The following LRRTM4 variants were observed in gnomAD, a reference collection of about 807,000 sequenced individuals.
The protein encoded by LRRTM4 is leucine-rich repeat transmembrane neuronal protein 4.
LRRTM4 carries 25 observed loss-of-function variants against 47.6 expected under a neutral mutation model. The ratio of observed to expected loss-of-function variants is 0.53; its 90% CI spans 0.38 to 0.73. The LOEUF (loss-of-function observed/expected upper bound fraction) is 0.73, where lower values mean the gene tolerates loss of function less well. Ranked by LOEUF, LRRTM4 falls within the 30% of genes least tolerant of loss-of-function variation. LRRTM4 has a pLI of 0.00. For synonymous variants in LRRTM4, 311 were observed against 269.5 expected (o/e 1.15, Z -1.51); for missense variants, 638 against 713.4 (o/e 0.89, Z 1.20).
At chr2:77,056,995 T>G (rs184422037) in intron 3 of LRRTM4, among the ~76,000 whole-genome samples, 1 of 152,274 alleles carries the variant, frequency 6.6e-6, no homozygotes, top group Admixed American at 6.5e-5. Context: ...GTAAATAAAG[T>G]TTTATGGTAA....
chr2:77,394,211 A>C (rs1368515964), intron 3 of LRRTM4, among the ~76,000 whole-genome samples: 1 of 151,946 alleles, frequency 6.6e-6, no homozygotes, highest in Non-Finnish European at 1.5e-5. Flanking sequence ...AAAGAAAATA[A>C]ATTTAAAAAT....
rs763066612 is a variant in LRRTM4, at chr2:77,519,842, C to A, written c.27G>T (p.Leu9=). 6 of 1,604,044 alleles carry A rather than the reference C, an allele frequency of 3.7e-6. No individual in the cohort carries two copies. The African/African-American group carries it at 8.1e-5, about 22-fold the overall frequency. The change falls in exon 3 of 4, where the codon CTG becomes CTT. Residue 9 remains leucine (L), a synonymous_variant. Transcript: ENST00000409884. This position sits in a 1 kb window ranked among gnomAD's most constrained non-coding sequence, Gnocchi z 4.6. ...GCACCAGCACCACACTCATGCCTTT[C>A]AGCTGCGTAATTAAATGGAAACCTA... The part of the protein sequence containing the change: MGFHLITQ[L]KGMSVVLVLL...
intron 3 of LRRTM4, among the ~76,000 whole-genome samples, chr2:77,420,086 A>T (rs1674814486): frequency 6.6e-6 from 1 of 152,144 alleles, no homozygotes; most frequent in South Asian, 2.1e-4. Flanking sequence ...CTGTGAAAGG[A>T]TCTGCTTCTT....
chr2:77,315,792 C>T (rs1476983528), intron 3 of LRRTM4, among the ~76,000 whole-genome samples: 1 of 152,168 alleles, frequency 6.6e-6, no homozygotes, highest in Non-Finnish European at 1.5e-5. Context: ...GGAACTAACT[C>T]TTCAAAATGT....
At chr2:77,406,398 T>G (rs1674184130) in intron 3 of LRRTM4, among the ~76,000 whole-genome samples, 1 of 152,088 alleles carries the variant, frequency 6.6e-6, no homozygotes, top group Non-Finnish European at 1.5e-5. Flanking sequence ...CATGGCTTAC[T>G]GCAGCCTCTA....
intron 3 of LRRTM4, among the ~76,000 whole-genome samples, chr2:77,311,722 A>G (rs1015567555): frequency 1.1e-4 from 16 of 152,204 alleles, no homozygotes; most frequent in Admixed American, 3.3e-4. Flanking sequence ...GTGAGCAATA[A>G]TGATGGGAAG....
intron 3 of LRRTM4, among the ~76,000 whole-genome samples, chr2:77,180,446 G>T (rs1357518398): frequency 5.3e-5 from 8 of 152,108 alleles, no homozygotes; most frequent in African/African-American, 1.7e-4. Flanking sequence ...TTAAATACTG[G>T]CTCTGCCACT....
Position 76,796,551 on chromosome 2 carries a change from C to G in LRRTM4, c.1552-47635G>C, listed in dbSNP as rs1392282777. Among the ~76,000 whole-genome samples the G allele has an allele frequency of 4.0e-5, 5 of 124,740 alleles. 1 individual carries two copies. Among genetic ancestry groups the G allele is most frequent in the Non-Finnish European group, 4.9e-5 (3 of 61,142 alleles). The allele number at this position is 124,740 out of a possible 152,430, so 81.8% of individuals were successfully genotyped here. ...GGAGGCACCCCCAAGCACGGGCACA[C>G]TGACACCTCACACGGCAGGGTATTC... On this transcript the variant is annotated intron_variant, in intron 3 of 3. Coordinates refer to ENST00000409884, the MANE Select transcript of LRRTM4 (RefSeq NM_001134745.3).
rs1280559530 is a variant in LRRTM4 at position 76,781,350 on chromosome 2, GC to G, written c.1552-32435del. Among the ~76,000 whole-genome samples, 686 of 152,276 alleles carry G rather than the reference GC, an allele frequency of 4.5e-3. 24 individuals are homozygous for G. Among genetic ancestry groups the G allele is most frequent in the Admixed American group, 0.04 (617 of 15,286 alleles). On this transcript the variant is annotated intron_variant, in intron 3 of 3. Transcript: ENST00000409884. Reference sequence around the variant, plus strand: ...TTCAATGGCGGGCACCCCTCCCCCAGCCTGGCTGCCGCCTTGCAGTTTGATC... The same window carrying G: ...TTCAATGGCGGGCACCCCTCCCCCAGCTGGCTGCCGCCTTGCAGTTTGATC...
chr2:76,804,086 GT>G (rs1258650735), intron 3 of LRRTM4, among the ~76,000 whole-genome samples: 1 of 152,100 alleles, frequency 6.6e-6, no homozygotes, highest in Non-Finnish European at 1.5e-5. Context: ...TCCGAGTGCT[GT>G]TTTTCTTTGC....
intron 2 of LRRTM4, among the ~76,000 whole-genome samples, chr2:77,520,402 G>A (rs1295199164): frequency 3.3e-5 from 5 of 152,006 alleles, no homozygotes; most frequent in African/African-American, 4.8e-5. Context: ...TAATAGGATC[G>A]CAATATGTGA....
chr2:77,326,380 C>T (rs538644608), intron 3 of LRRTM4, among the ~76,000 whole-genome samples: 1 of 152,204 alleles, frequency 6.6e-6, no homozygotes, highest in African/African-American at 2.4e-5. Context: ...TCCCTTATAC[C>T]TCTTCTTAAT....
At chr2:76,868,423 C>A (rs1672526325) in intron 3 of LRRTM4, among the ~76,000 whole-genome samples, 1 of 151,928 alleles carries the variant, frequency 6.6e-6, no homozygotes, top group Non-Finnish European at 1.5e-5. Context: ...AGGAAAAAAT[C>A]TCTCTCATTT....
chr2:77,461,442 G>T (rs1199156214), intron 3 of LRRTM4, among the ~76,000 whole-genome samples: 1 of 152,006 alleles, frequency 6.6e-6, no homozygotes, highest in Non-Finnish European at 1.5e-5. Flanking sequence ...ACATCTTCCT[G>T]CCATGGAAGA....
At chr2:77,400,265 C>A (rs968489685) in intron 3 of LRRTM4, among the ~76,000 whole-genome samples, 25 of 151,634 alleles carry the variant, frequency 1.6e-4, no homozygotes, top group East Asian at 7.8e-4. Context: ...TTGATTTTTG[C>A]TCTATTGCCT....
intron 3 of LRRTM4, among the ~76,000 whole-genome samples, chr2:76,968,573 T>C (rs941109068): frequency 2.6e-5 from 4 of 151,476 alleles, no homozygotes; most frequent in Non-Finnish European, 5.9e-5. Flanking sequence ...TAACTTTTCT[T>C]TAATCCACTG....
intron 3 of LRRTM4, among the ~76,000 whole-genome samples, chr2:76,935,164 A>T (rs1034719554): frequency 6.6e-6 from 1 of 152,180 alleles, no homozygotes; most frequent in East Asian, 1.9e-4. Context: ...AGTGTAAGTA[A>T]TGGGACACAG....
At chr2:77,441,272 T>G (rs1171312067) in intron 3 of LRRTM4, among the ~76,000 whole-genome samples, 1 of 152,216 alleles carries the variant, frequency 6.6e-6, no homozygotes, top group African/African-American at 2.4e-5. Flanking sequence ...TGTTTTTAAT[T>G]ATGCAGACCC....
In LRRTM4 at chr2:77,212,495, C is replaced by A. The variant is rs11884088; in HGVS notation, c.1551+305823G>T. Among the ~76,000 whole-genome samples, 371 of 135,950 alleles carry A rather than the reference C, an allele frequency of 2.7e-3. 1 individual carries two copies. Among genetic ancestry groups the A allele is most frequent in the Middle Eastern group, 8.7e-3 (2 of 230 alleles). The allele number at this position is 135,950 out of a possible 152,430, so 89.2% of individuals were successfully genotyped here. A position where few individuals can be genotyped will look rare whatever the true frequency, so the allele number is the denominator to read the frequency against. The stretch of plus-strand genomic sequence containing the variant: ...TATATAGAGAGAGAGAGAGAGAGAG[C>A]GAGAGAGTTAATCTCGTGTATATAT... On this transcript the variant is annotated intron_variant, in intron 3 of 3. Transcript: ENST00000409884.
Sources: allele counts gnomAD v4.1 joint callset (sites outside exome capture counted in the v4.1 genomes callset), GRCh38; gene constraint gnomAD v4.1.1; non-coding constraint Gnocchi (gnomAD v3.1); transcripts MANE v1.5; gene names NCBI Gene and HGNC (gene_info 2026-07-23, HGNC 2026-07-21).